The following AOAH variants were observed in gnomAD, a reference collection of about 807,000 sequenced individuals.
AOAH encodes acyloxyacyl hydrolase (neutrophil).
AOAH carries 64 observed loss-of-function variants against 92.2 expected under a neutral mutation model. The ratio of observed to expected loss-of-function variants is 0.69; its 90% CI spans 0.57 to 0.86. AOAH has a LOEUF of 0.86. AOAH is among the 40% of genes least tolerant of loss of function. The pLI is 0.00. For missense variants in AOAH, 656 were observed against 694.6 expected, an observed-to-expected ratio of 0.94 and a Z score of 0.62; for synonymous variants, 263 against 254.5, an observed-to-expected ratio of 1.03 and a Z score of -0.32.
intron 3 of AOAH, among the ~76,000 whole-genome samples, chr7:36,660,469 CCAT>C: frequency 6.6e-6 from 1 of 152,274 alleles, no homozygotes; most frequent in South Asian, 2.1e-4. Flanking sequence ...GCACCCACCA[CCAT>C]GCTTGGCTAA....
intron 4 of AOAH, among the ~76,000 whole-genome samples, chr7:36,639,121 T>C (rs1793721562): frequency 6.6e-6 from 1 of 152,238 alleles, no homozygotes; most frequent in Non-Finnish European, 1.5e-5. Flanking sequence ...ACATGACATC[T>C]TTAATACAAA....
chr7:36,515,692 CATA>C (rs1783621552), intron 20 of AOAH, among the ~76,000 whole-genome samples: 1 of 95,344 alleles, frequency 1.0e-5, no homozygotes. Context: ...ACCACACACA[CATA>C]ATCACACACC....
intron 1 of AOAH, 83 bp downstream of exon 1, chr7:36,723,939 A>G (rs1799809612): frequency 1.4e-6 from 2 of 1,449,076 alleles, no homozygotes; most frequent in Non-Finnish European, 1.9e-6. Context: ...GATTTAATAA[A>G]ATATGTGATT....
At chr7:36,598,712 GTA>G (rs1790323974) in intron 11 of AOAH, among the ~76,000 whole-genome samples, 1 of 152,044 alleles carries the variant, frequency 6.6e-6, no homozygotes. Context: ...TTTTTCCTTA[GTA>G]AATTTGGTAG....
chr7:36,549,350 T>G, intron 14 of AOAH, 89 bp downstream of exon 14: 11 of 1,018,904 alleles, frequency 1.1e-5, no homozygotes, highest in Non-Finnish European at 1.7e-5. Flanking sequence ...TTATGCTCAG[T>G]AAAAATGATT....
intron 12 of AOAH, among the ~76,000 whole-genome samples, chr7:36,585,394 A>G (rs770943510): frequency 1.3e-5 from 2 of 152,196 alleles, no homozygotes; most frequent in African/African-American, 4.8e-5. Flanking sequence ...GAAAACAAAT[A>G]TTCTCATATA....
chr7:36,715,506 T>C (rs10248823), intron 1 of AOAH, among the ~76,000 whole-genome samples: 83,655 of 146,592 alleles, frequency 0.57, 24,021 homozygotes, highest in East Asian at 0.83. Context: ...AAAAAGAGCC[T>C]GCATTGCCAA....
intron 11 of AOAH, among the ~76,000 whole-genome samples, chr7:36,600,453 T>C (rs1262257049): frequency 2.0e-5 from 3 of 152,188 alleles, no homozygotes; most frequent in African/African-American, 4.8e-5. Flanking sequence ...GAATCCCTTA[T>C]GCAAGGCAGC....
chr7:36,583,390 A>C (rs1275867170), intron 12 of AOAH, among the ~76,000 whole-genome samples: 4 of 152,210 alleles, frequency 2.6e-5, no homozygotes, highest in Non-Finnish European at 5.9e-5. Context: ...TCAGGCCAGC[A>C]TAGGGCCAGG....
At chr7:36,701,411 C>A (rs941925618) in intron 1 of AOAH, among the ~76,000 whole-genome samples, 7 of 150,964 alleles carry the variant, frequency 4.6e-5, no homozygotes, top group African/African-American at 1.7e-4. Flanking sequence ...GCCTGGTTTT[C>A]TTTTCAACTC....
Position 36,696,867 on chromosome 7 carries a change from G to GAAAA in AOAH, c.128-10074_128-10073insTTTT, listed in dbSNP as rs35003639. Among the ~76,000 whole-genome samples, 156 of 150,120 alleles carry GAAAA rather than the reference G, an allele frequency of 1.0e-3. 2 individuals carry two copies. The highest frequency in any genetic ancestry group is 1.9e-3 in the South Asian group (9 of 4,748). ...ACTACAGAGCGAGGCTACGTCTCCA[G>GAAAA]AAACAAAAAAATCAATTTTTGTATA... On this transcript the variant is annotated intron_variant, in intron 1 of 20. Transcript: ENST00000617537.
chr7:36,663,042 C>T (rs1183990990), intron 3 of AOAH, among the ~76,000 whole-genome samples: 1 of 152,188 alleles, frequency 6.6e-6, no homozygotes, highest in African/African-American at 2.4e-5. Flanking sequence ...TAAACTACGC[C>T]TCATTTGCTG....
chr7:36,585,712 T>C (rs1251514993), intron 12 of AOAH, among the ~76,000 whole-genome samples: 2 of 152,166 alleles, frequency 1.3e-5, no homozygotes, highest in African/African-American at 4.8e-5. Context: ...CACAATATGA[T>C]AGCCTTTATG....
intron 13 of AOAH, among the ~76,000 whole-genome samples, chr7:36,551,158 C>G (rs1047858042): frequency 4.7e-5 from 7 of 148,722 alleles, no homozygotes; most frequent in Non-Finnish European, 1.0e-4. Context: ...ACTGCAATCT[C>G]TGCCTCCTGG....
chr7:36,714,709 A>G (rs1799011028), intron 1 of AOAH, among the ~76,000 whole-genome samples: 1 of 152,252 alleles, frequency 6.6e-6, no homozygotes, highest in Non-Finnish European at 1.5e-5. Context: ...GCATATAAAC[A>G]GAACTAATGA....
chr7:36,532,742 G>A (rs976561275), intron 16 of AOAH, among the ~76,000 whole-genome samples: 9 of 152,174 alleles, frequency 5.9e-5, no homozygotes, highest in Admixed American at 5.9e-4. Context: ...CCTGCATGGG[G>A]CACAGGGAAC....
At chr7:36,687,329 T>G (rs1797097369) in intron 1 of AOAH, among the ~76,000 whole-genome samples, 1 of 152,094 alleles carries the variant, frequency 6.6e-6, no homozygotes, top group African/African-American at 2.4e-5. Flanking sequence ...TGTAAAATAT[T>G]ATTTTGCCTC....
At chr7:36,678,449 G>C (rs1398059411) in intron 2 of AOAH, among the ~76,000 whole-genome samples, 1 of 152,152 alleles carries the variant, frequency 6.6e-6, no homozygotes, top group African/African-American at 2.4e-5. Flanking sequence ...GCTTAGCCTA[G>C]AGCAGAGCAA....
intron 1 of AOAH, among the ~76,000 whole-genome samples, chr7:36,704,907 A>C (rs530335647): frequency 3.3e-5 from 5 of 152,200 alleles, no homozygotes; most frequent in Non-Finnish European, 7.3e-5. Flanking sequence ...TGATTATCTC[A>C]AAAGATACAG....
Sources: gnomAD v4.1 joint callset for allele counts (sites outside exome capture counted in the v4.1 genomes callset) on GRCh38, gnomAD v4.1.1 for gene constraint, MANE v1.5 for transcripts, NCBI Gene and HGNC (gene_info 2026-07-23, HGNC 2026-07-21) for gene names.